The following AGBL4 variants were observed in gnomAD, a reference collection of about 807,000 sequenced individuals.
AGBL4 encodes cytosolic carboxypeptidase 6.
A neutral mutation model predicts 66.4 loss-of-function variants in AGBL4; 58 were observed. The observed-to-expected ratio is 0.87, with a 90% CI of 0.71 to 1.09. AGBL4 has a LOEUF of 1.09. Ranked by LOEUF, AGBL4 falls within the 50% of genes least tolerant of loss-of-function variation. The pLI is 0.00. For synonymous variants in AGBL4, 234 were observed against 222.9 expected, an observed-to-expected ratio of 1.05 and a Z score of -0.44; for missense variants, 579 against 631.0, an observed-to-expected ratio of 0.92 and a Z score of 0.88.
intron 3 of AGBL4, among the ~76,000 whole-genome samples, chr1:49,502,008 G>C (rs1648207697): frequency 6.6e-6 from 1 of 152,104 alleles, no homozygotes; most frequent in African/African-American, 2.4e-5. Context: ...AATTTGTTAA[G>C]ACTTGTTTTG....
chr1:48,953,084 A>G (rs542159383), intron 5 of AGBL4, among the ~76,000 whole-genome samples: 2 of 152,284 alleles, frequency 1.3e-5, no homozygotes, highest in South Asian at 2.1e-4. Flanking sequence ...TGAACAGAAT[A>G]TCATTTCTCA....
intron 1 of AGBL4, among the ~76,000 whole-genome samples, chr1:49,877,838 C>T (rs1317839585): frequency 1.3e-5 from 2 of 151,656 alleles, no homozygotes; most frequent in Admixed American, 1.3e-4. Flanking sequence ...AATTTCAGCT[C>T]CTGTTATTGG....
At chr1:48,654,492 C>T (rs963250433) in intron 7 of AGBL4, among the ~76,000 whole-genome samples, 7 of 152,180 alleles carry the variant, frequency 4.6e-5, no homozygotes, top group Non-Finnish European at 7.3e-5. Flanking sequence ...TCTAGCATTC[C>T]ATGAAATTAC....
intron 1 of AGBL4, among the ~76,000 whole-genome samples, chr1:49,960,318 G>T (rs1055710614): frequency 1.3e-5 from 2 of 151,944 alleles, no homozygotes; most frequent in South Asian, 2.1e-4. Flanking sequence ...GTCAGGAACC[G>T]AAAATTAAAC....
At chr1:48,847,738 A>G (rs1210399734) in intron 6 of AGBL4, among the ~76,000 whole-genome samples, 1 of 152,170 alleles carries the variant, frequency 6.6e-6, no homozygotes, top group African/African-American at 2.4e-5. Flanking sequence ...GAACACAAAT[A>G]TTTAAGAAAT....
At chr1:49,655,625 C>T (rs1458915741) in intron 3 of AGBL4, among the ~76,000 whole-genome samples, 2 of 152,126 alleles carry the variant, frequency 1.3e-5, no homozygotes, top group Non-Finnish European at 2.9e-5. Context: ...TTGACACCCT[C>T]ACATCACAAT....
At chr1:49,809,141 T>C (rs1447648205) in intron 2 of AGBL4, among the ~76,000 whole-genome samples, 1 of 152,198 alleles carries the variant, frequency 6.6e-6, no homozygotes, top group African/African-American at 2.4e-5. Flanking sequence ...ATTCTTCCCT[T>C]GTAGCATCCA....
chr1:49,715,605 C>A (rs1266884612), intron 2 of AGBL4, among the ~76,000 whole-genome samples: 4 of 152,170 alleles, frequency 2.6e-5, no homozygotes, highest in Non-Finnish European at 4.4e-5. Flanking sequence ...TCCTATCTCT[C>A]CACATCCTCT....
intron 1 of AGBL4, among the ~76,000 whole-genome samples, chr1:49,978,727 C>T (rs915409452): frequency 2.6e-5 from 4 of 152,124 alleles, no homozygotes; most frequent in Non-Finnish European, 4.4e-5. Context: ...TATACACATA[C>T]ACACAGACAC....
At chr1:49,630,328 G>A (rs1361023088) in intron 3 of AGBL4, among the ~76,000 whole-genome samples, 1 of 152,094 alleles carries the variant, frequency 6.6e-6, no homozygotes, top group Non-Finnish European at 1.5e-5. Flanking sequence ...TGATAGCCTT[G>A]GAGTATAGCA....
At chr1:50,009,348 G>A (rs1361858404) in intron 1 of AGBL4, among the ~76,000 whole-genome samples, 1 of 152,028 alleles carries the variant, frequency 6.6e-6, no homozygotes, top group Non-Finnish European at 1.5e-5. Context: ...GCAATGCAAG[G>A]ATGGTTCAAC....
rs112811366 is a variant in AGBL4, at chr1:49,456,208, G to A, written c.283-210344C>T. On this transcript the variant is annotated intron_variant, in intron 3 of 13. Coordinates refer to ENST00000371839, the MANE Select transcript of AGBL4 (RefSeq NM_032785.4). ...CACCAGATAGTGTTGAGTGAGTGTT[G>A]AAACTCAGGCTAGGGATACTCCCTT... Among the ~76,000 whole-genome samples, 263 of 151,848 alleles carry A rather than the reference G, an allele frequency of 1.7e-3. 1 individual carries two copies. The highest frequency in any genetic ancestry group is 5.9e-3 in the African/African-American group (245 of 41,496).
chr1:49,324,672 C>T (rs74576803), intron 3 of AGBL4, among the ~76,000 whole-genome samples: 2,769 of 152,322 alleles, frequency 0.018, 35 homozygotes, highest in Non-Finnish European at 0.03. Flanking sequence ...CAGCATCTGA[C>T]ATTATTCCTC....
Position 50,020,721 on chromosome 1 carries a change from G to A in AGBL4, c.34+3042C>T, listed in dbSNP as rs78822804. Among the ~76,000 whole-genome samples the A allele has an allele frequency of 5.1e-3, 771 of 152,192 alleles. 12 individuals are homozygous for A. The highest frequency in any genetic ancestry group is 5.2e-3 in the Non-Finnish European group (356 of 67,988). On this transcript the variant is annotated intron_variant, in intron 1 of 13. Coordinates refer to ENST00000371839, the MANE Select transcript of AGBL4 (RefSeq NM_032785.4). ...TCTTAATTAAGTTGTCAACTTCTCC[G>A]TGCCAAAACTTCTCCACATATAAAA...
At chr1:49,571,950 T>A (rs1232497320) in intron 3 of AGBL4, among the ~76,000 whole-genome samples, 1 of 152,158 alleles carries the variant, frequency 6.6e-6, no homozygotes, top group Non-Finnish European at 1.5e-5. Flanking sequence ...CTTTTTATGT[T>A]CTGTTGGATT....
intron 6 of AGBL4, among the ~76,000 whole-genome samples, chr1:48,730,895 A>C (rs1394360917): frequency 6.6e-6 from 1 of 152,220 alleles, no homozygotes; most frequent in African/African-American, 2.4e-5. Flanking sequence ...TTTGACCTTA[A>C]TAGGTTTAAC....
intron 6 of AGBL4, among the ~76,000 whole-genome samples, chr1:48,781,157 A>G (rs1426951652): frequency 6.6e-6 from 1 of 152,190 alleles, no homozygotes; most frequent in African/African-American, 2.4e-5. Flanking sequence ...AGGCAGTTCC[A>G]TTTTCCGATA....
intron 4 of AGBL4, among the ~76,000 whole-genome samples, chr1:49,112,297 T>C (rs1645428186): frequency 6.6e-6 from 1 of 152,186 alleles, no homozygotes; most frequent in African/African-American, 2.4e-5. Context: ...GTATTTGAAA[T>C]AACAGACACA....
intron 5 of AGBL4, among the ~76,000 whole-genome samples, chr1:48,984,467 T>C (rs554165967): frequency 6.7e-6 from 1 of 149,352 alleles, no homozygotes; most frequent in East Asian, 2.1e-4. Flanking sequence ...AAAAAAAAAA[T>C]CTGCCTGAGC....
Sources: gnomAD v4.1 joint callset for allele counts (sites outside exome capture counted in the v4.1 genomes callset) on GRCh38, gnomAD v4.1.1 for gene constraint, MANE v1.5 for transcripts, NCBI Gene and HGNC (gene_info 2026-07-23, HGNC 2026-07-21) for gene names.